The following CADM2 variants were observed in gnomAD, a reference collection of about 807,000 sequenced individuals.
The protein encoded by CADM2 is cell adhesion molecule 2.
CADM2 carries 12 observed loss-of-function variants against 49.8 expected under a neutral mutation model. The ratio of observed to expected loss-of-function variants is 0.24; its 90% CI spans 0.15 to 0.39. The LOEUF (loss-of-function observed/expected upper bound fraction) is 0.39, where lower values mean the gene tolerates loss of function less well. Among genes scored for constraint, CADM2 ranks in the 10% least tolerant of loss-of-function variants. The pLI, the probability that CADM2 is intolerant of heterozygous loss-of-function variation, is 1.00. For synonymous variants in CADM2, 214 were observed against 175.4 expected, an observed-to-expected ratio of 1.22 and a Z score of -1.74; for missense variants, 378 against 492.3, an observed-to-expected ratio of 0.77 and a Z score of 2.20.
chr3:85,819,206 G>A (rs1312369810), intron 3 of CADM2, among the ~76,000 whole-genome samples: 2 of 152,186 alleles, frequency 1.3e-5, no homozygotes, highest in African/African-American at 2.4e-5. Flanking sequence ...CAGCAAGCCA[G>A]CTTCTTCCAC....
intron 1 of CADM2, among the ~76,000 whole-genome samples, chr3:85,499,422 C>G (rs1417642938): frequency 2.0e-5 from 3 of 152,016 alleles, no homozygotes; most frequent in South Asian, 2.1e-4. Context: ...CAAATTGTCT[C>G]AATTATAAAC....
At chr3:85,142,000 T>C (rs1283855129) in intron 1 of CADM2, among the ~76,000 whole-genome samples, 1 of 152,208 alleles carries the variant, frequency 6.6e-6, no homozygotes, top group African/African-American at 2.4e-5. Context: ...CCATGTGTGG[T>C]TTCAAAACTG....
At chr3:85,346,557 A>G (rs1017761216) in intron 1 of CADM2, among the ~76,000 whole-genome samples, 1 of 152,198 alleles carries the variant, frequency 6.6e-6, no homozygotes, top group African/African-American at 2.4e-5. Flanking sequence ...CTGCTTTTGA[A>G]TAAAAATATT....
intron 8 of CADM2, among the ~76,000 whole-genome samples, chr3:86,062,379 T>C (rs963938933): frequency 2.8e-4 from 42 of 152,154 alleles, no homozygotes; most frequent in Admixed American, 2.6e-3. Context: ...AAGAAATAGA[T>C]ATTAGAGAGC....
intron 2 of CADM2, among the ~76,000 whole-genome samples, chr3:85,764,772 T>A (rs1017776737): frequency 3.3e-5 from 5 of 152,088 alleles, no homozygotes; most frequent in African/African-American, 1.2e-4. Context: ...TTTATATTAC[T>A]ATAGCAAAAG....
chr3:85,743,852 G>A (rs2068497059), intron 2 of CADM2, among the ~76,000 whole-genome samples: 1 of 152,010 alleles, frequency 6.6e-6, no homozygotes, highest in Non-Finnish European at 1.5e-5. Context: ...AGTCATAAGA[G>A]AAAATTTTAA....
chr3:85,451,385 A>G lies in CADM2; in HGVS notation c.62-275137A>G, dbSNP rs191036626. Among the ~76,000 whole-genome samples, 6 of 152,242 alleles carry G rather than the reference A, an allele frequency of 3.9e-5. No homozygotes were observed. In the East Asian group the frequency reaches 1.2e-3, roughly 29 times the overall value. The stretch of plus-strand genomic sequence containing the variant: ...TTGTTTTAGGAAAAGGAATATATTT[A>G]AATGACCTTTTCGTAACCATTCATA... On this transcript the variant is annotated intron_variant, in intron 1 of 9. Coordinates refer to ENST00000383699, the MANE Select transcript of CADM2 (RefSeq NM_001167675.2).
intron 1 of CADM2, among the ~76,000 whole-genome samples, chr3:85,629,800 C>A (rs982272077): frequency 1.3e-5 from 2 of 151,984 alleles, no homozygotes; most frequent in African/African-American, 2.4e-5. Flanking sequence ...GTGGGCCAGA[C>A]AATTGCTTAA....
chr3:85,334,781 T>A (rs1294542018), intron 1 of CADM2, among the ~76,000 whole-genome samples: 1 of 151,550 alleles, frequency 6.6e-6, no homozygotes, highest in Non-Finnish European at 1.5e-5. Flanking sequence ...CTTAGTTTCT[T>A]CTTAAATATT....
chr3:85,244,028 A>G (rs1481520725), intron 1 of CADM2, among the ~76,000 whole-genome samples: 1 of 152,144 alleles, frequency 6.6e-6, no homozygotes, highest in Non-Finnish European at 1.5e-5. Context: ...GAATATTTTC[A>G]AAGATTAGAA....
At chr3:85,543,986 C>T (rs2061606989) in intron 1 of CADM2, among the ~76,000 whole-genome samples, 1 of 152,178 alleles carries the variant, frequency 6.6e-6, no homozygotes, top group East Asian at 1.9e-4. Flanking sequence ...ACTTCATTGG[C>T]TTCCAATATA....
intron 1 of CADM2, among the ~76,000 whole-genome samples, chr3:85,462,270 C>T (rs1375610755): frequency 2.6e-5 from 4 of 152,136 alleles, no homozygotes; most frequent in East Asian, 3.9e-4. Context: ...GAATTAGCCT[C>T]ATGTGAATTT....
At chr3:85,110,472 G>A (rs544800429) in intron 1 of CADM2, among the ~76,000 whole-genome samples, 4 of 151,782 alleles carry the variant, frequency 2.6e-5, no homozygotes, top group South Asian at 2.1e-4. Context: ...TACTGAAAAC[G>A]TGAAGAGAAG....
At chr3:85,313,342 G>A (rs895282790) in intron 1 of CADM2, among the ~76,000 whole-genome samples, 6 of 152,262 alleles carry the variant, frequency 3.9e-5, no homozygotes, top group Admixed American at 2.0e-4. Flanking sequence ...TCTTTTTGCA[G>A]CAAAGTTAAA....
chr3:85,837,629 T>A (rs977870853), intron 3 of CADM2, among the ~76,000 whole-genome samples: 4 of 151,682 alleles, frequency 2.6e-5, no homozygotes, highest in African/African-American at 9.7e-5. Context: ...TGACGTTCAA[T>A]ACACATGAGA....
At chr3:85,324,055 T>C (rs1190382674) in intron 1 of CADM2, among the ~76,000 whole-genome samples, 1 of 152,220 alleles carries the variant, frequency 6.6e-6, no homozygotes, top group Non-Finnish European at 1.5e-5. Flanking sequence ...TGTATTTATA[T>C]TTTTCGTTAG....
intron 1 of CADM2, among the ~76,000 whole-genome samples, chr3:85,718,018 C>A (rs189366172): frequency 1.3e-5 from 2 of 152,316 alleles, no homozygotes; most frequent in Admixed American, 6.5e-5. Context: ...GATCTGCCCA[C>A]CTTGGCCTCC....
At chr3:86,033,516 T>C (rs1734785122) in intron 8 of CADM2, among the ~76,000 whole-genome samples, 2 of 151,618 alleles carry the variant, frequency 1.3e-5, no homozygotes, top group South Asian at 4.1e-4. Context: ...GGAGTTTTAT[T>C]TTAACTCAGT....
chr3:85,787,570 A>G (rs967868719), intron 2 of CADM2, among the ~76,000 whole-genome samples: 1 of 152,086 alleles, frequency 6.6e-6, no homozygotes, highest in Non-Finnish European at 1.5e-5. Context: ...GCTTATATTA[A>G]AAGTTGGCCT....
Sources: gnomAD v4.1 joint callset for allele counts (sites outside exome capture counted in the v4.1 genomes callset) on GRCh38, gnomAD v4.1.1 for gene constraint, MANE v1.5 for transcripts, NCBI Gene and HGNC (gene_info 2026-07-23, HGNC 2026-07-21) for gene names.